Variants in SLC1A1 observed in about 807,000 individuals in gnomAD.
The protein encoded by SLC1A1 is solute carrier family 1 member 1, also known as excitatory amino acid transporter 3.
Under a neutral mutation model 53.3 loss-of-function variants are expected in SLC1A1, and 43 were observed. The ratio of observed to expected loss-of-function variants is 0.81; its 90% CI spans 0.63 to 1.04. The LOEUF is 1.04. Among genes scored for constraint, SLC1A1 ranks in the 50% least tolerant of loss-of-function variants. The pLI is 0.00. For missense variants in SLC1A1, 748 were observed against 664.9 expected (o/e 1.12, Z -1.37); for synonymous variants, 307 against 243.2 (o/e 1.26, Z -2.44).
In SLC1A1 at chr9:4,537,513, T is replaced by C. The variant is rs560131339; in HGVS notation, c.92-7054T>C. On this transcript the variant is annotated intron_variant, in intron 1 of 11. Coordinates refer to ENST00000262352, the MANE Select transcript of SLC1A1 (RefSeq NM_004170.6). ...AGCGGAGCTTGCAGTGAGCCGAGATTGCGCCACTGCAGTCCACAGTCCGGC... is the reference window on the plus strand; with the variant it reads ...AGCGGAGCTTGCAGTGAGCCGAGATCGCGCCACTGCAGTCCACAGTCCGGC... Among the ~76,000 whole-genome samples the C allele has an allele frequency of 2.2e-3, 116 of 53,160 alleles. 27 individuals carry two copies. The South Asian group carries it at 0.026, about 12-fold the overall frequency. The allele number at this position is 53,160 out of a possible 152,430, so 34.9% of individuals were successfully genotyped here. A position where few individuals can be genotyped will look rare whatever the true frequency, so the allele number is the denominator to read the frequency against.
chr9:4,516,894 G>A (rs1380868755), intron 1 of SLC1A1, among the ~76,000 whole-genome samples: 1 of 151,968 alleles, frequency 6.6e-6, no homozygotes, highest in Non-Finnish European at 1.5e-5. Flanking sequence ...TCCTAGTCTT[G>A]GTTTTCTAAA....
At chr9:4,531,294 T>C (rs923617310) in intron 1 of SLC1A1, among the ~76,000 whole-genome samples, 3 of 152,192 alleles carry the variant, frequency 2.0e-5, no homozygotes, top group Non-Finnish European at 2.9e-5. Flanking sequence ...GGTCAGGGAA[T>C]TCCCTTTCCT....
rs1252021266 is a variant in SLC1A1, at chr9:4,566,101, T to C, written c.483+12T>C. On this transcript the variant is annotated intron_variant, in intron 5 of 11. Transcript: ENST00000262352. ...CCTGTTTTCAGCAGGTAATATTAATTACTTGTGCCCTTAACTTGCTACCCT... is the reference window on the plus strand; with the variant it reads ...CCTGTTTTCAGCAGGTAATATTAATCACTTGTGCCCTTAACTTGCTACCCT... The C allele has an allele frequency of 6.2e-7, 1 of 1,607,880 alleles. No homozygotes were observed. Among genetic ancestry groups the C allele is most frequent in the East Asian group, 2.2e-5 (1 of 44,854 alleles).
chr9:4,571,652 G>A (rs2129768866), intron 6 of SLC1A1, among the ~76,000 whole-genome samples: 1 of 151,682 alleles, frequency 6.6e-6, no homozygotes, highest in South Asian at 2.1e-4. Context: ...ACTCCAGCCT[G>A]GGTAACAGAG....
At chr9:4,502,259 C>T (rs188051837) in intron 1 of SLC1A1, among the ~76,000 whole-genome samples, 16 of 150,994 alleles carry the variant, frequency 1.1e-4, no homozygotes, top group Admixed American at 3.9e-4. Flanking sequence ...TGGTGGGTCA[C>T]GCCTGTAGTC....
At chr9:4,528,592 A>C (rs1030363506) in intron 1 of SLC1A1, among the ~76,000 whole-genome samples, 1 of 152,072 alleles carries the variant, frequency 6.6e-6, no homozygotes, top group African/African-American at 2.4e-5. Flanking sequence ...CAAACAAACA[A>C]AAAAATGCAA....
chr9:4,521,510 T>C (rs755062286), intron 1 of SLC1A1, among the ~76,000 whole-genome samples: 5 of 152,210 alleles, frequency 3.3e-5, no homozygotes, highest in African/African-American at 1.2e-4. Context: ...TTTTTATCCA[T>C]GGTGGCATGG....
At chr9:4,507,173 G>C (rs1018957237) in intron 1 of SLC1A1, among the ~76,000 whole-genome samples, 1 of 152,048 alleles carries the variant, frequency 6.6e-6, no homozygotes, top group Non-Finnish European at 1.5e-5. Context: ...GGTGGACCTT[G>C]CAAGTGAGCC....
At chr9:4,523,349 T>G (rs975269674) in intron 1 of SLC1A1, among the ~76,000 whole-genome samples, 2 of 148,074 alleles carry the variant, frequency 1.4e-5, no homozygotes, top group South Asian at 2.1e-4. Flanking sequence ...CCAAATGCCT[T>G]TTCTTTTTTT....
At chr9:4,537,105 G>A (rs1036185359) in intron 1 of SLC1A1, among the ~76,000 whole-genome samples, 1 of 151,890 alleles carries the variant, frequency 6.6e-6, no homozygotes, top group African/African-American at 2.4e-5. Context: ...ATGACGAGTT[G>A]ATGGGTGCAG....
chr9:4,568,929 A>C (rs1819760296), intron 6 of SLC1A1, among the ~76,000 whole-genome samples: 1 of 152,200 alleles, frequency 6.6e-6, no homozygotes, highest in Admixed American at 6.5e-5. Flanking sequence ...TTATATATTG[A>C]TTGTTTGCTG....
chr9:4,549,955 G>C lies in SLC1A1; in HGVS notation c.232+5248G>C, dbSNP rs1015172721. ...TCGCAGCTCTGGATTTCCTAAAAAC[G>C]CCTGCTCAAACAAGGGCACACACAG... is the stretch of plus-strand genomic sequence containing the variant. On this transcript the variant is annotated intron_variant, in intron 2 of 11. Transcript: ENST00000262352. This position sits in a 1 kb window ranked among gnomAD's most constrained non-coding sequence, Gnocchi z 4.1. 6.6e-6 allele frequency among the ~76,000 whole-genome samples: 1 copy of C among 152,046 alleles called. No individual in the cohort carries two copies. The highest frequency in any genetic ancestry group is 2.1e-4 in the South Asian group (1 of 4,810).
intron 1 of SLC1A1, among the ~76,000 whole-genome samples, chr9:4,529,794 C>T (rs115638238): frequency 0.024 from 3,669 of 152,202 alleles, 156 homozygotes; most frequent in African/African-American, 0.085. Context: ...ACTGGAATTA[C>T]AGGTGTGAGC....
At chr9:4,566,819 G>A (rs1564049932) in intron 5 of SLC1A1, among the ~76,000 whole-genome samples, 2 of 151,954 alleles carry the variant, frequency 1.3e-5, no homozygotes, top group African/African-American at 4.8e-5. Flanking sequence ...TTTACTTCAA[G>A]CCTTTCCCTC....
intron 7 of SLC1A1, among the ~76,000 whole-genome samples, chr9:4,572,855 A>G (rs143946941): frequency 1.2e-3 from 190 of 152,230 alleles, no homozygotes; most frequent in African/African-American, 4.1e-3. Flanking sequence ...AGCCACCACT[A>G]GAGTATTAAA....
At chr9:4,574,381 T>A (rs1243051484) in intron 8 of SLC1A1, among the ~76,000 whole-genome samples, 1 of 152,200 alleles carries the variant, frequency 6.6e-6, no homozygotes, top group African/African-American at 2.4e-5. Flanking sequence ...ATAGCCTCCA[T>A]GTACCCTGAA....
intron 7 of SLC1A1, 72 bp downstream of exon 7, chr9:4,572,460 GT>G: frequency 7.4e-7 from 1 of 1,353,566 alleles, no homozygotes; most frequent in Non-Finnish European, 1.1e-6. Flanking sequence ...GAAAGAAGAG[GT>G]TTTATGTTTG....
rs1284703621 is a variant in SLC1A1 at position 4,509,745 on chromosome 9, C to A, written c.91+18975C>A. The stretch of plus-strand genomic sequence containing the variant: ...CAAATGGAGAGTGACTAGCACAGAG[C>A]CATATGGCATGAGGTGCCATGCTGA... On this transcript the variant is annotated intron_variant, in intron 1 of 11. Coordinates refer to ENST00000262352, the MANE Select transcript of SLC1A1 (RefSeq NM_004170.6). 3.9e-5 allele frequency among the ~76,000 whole-genome samples: 6 copies of A among 152,198 alleles called. No homozygotes were observed. The East Asian group carries it at 1.2e-3, about 29-fold the overall frequency.
chr9:4,512,691 C>T (rs1273218540), intron 1 of SLC1A1, among the ~76,000 whole-genome samples: 3 of 152,076 alleles, frequency 2.0e-5, no homozygotes, highest in African/African-American at 4.8e-5. Flanking sequence ...TACTTTTGCA[C>T]CAACCTAATA....
Sources: gnomAD v4.1 joint callset for allele counts (sites outside exome capture counted in the v4.1 genomes callset) on GRCh38, gnomAD v4.1.1 for gene constraint, Gnocchi (gnomAD v3.1) non-coding constraint, MANE v1.5 for transcripts, NCBI Gene and HGNC (gene_info 2026-07-23, HGNC 2026-07-21) for gene names.